The following MORC1 variants were observed in gnomAD, a reference collection of about 807,000 sequenced individuals.
MORC1 encodes the protein MORC family CW-type zinc finger 1, also known as MORC family CW-type zinc finger protein 1.
A neutral mutation model predicts 134.9 loss-of-function variants in MORC1; 59 were observed. The observed-to-expected ratio is 0.44, with a 90% confidence interval of 0.35 to 0.54. The LOEUF is 0.54. MORC1 is among the 20% of genes least tolerant of loss of function. The pLI is 0.00. For synonymous variants in MORC1, 395 were observed against 391.7 expected, an observed-to-expected ratio of 1.01 and a Z score of -0.10; for missense variants, 947 against 1,134.5, an observed-to-expected ratio of 0.83 and a Z score of 2.37.
Position 109,007,050 on chromosome 3 carries a change from G to A in MORC1, c.1746C>T (p.Thr582=), listed in dbSNP as rs114946828. The A allele has an allele frequency of 1.9e-6, 3 of 1,612,530 alleles. No individual in the cohort carries two copies. Among genetic ancestry groups the A allele is most frequent in the East Asian group, 4.5e-5 (2 of 44,802 alleles). The change falls in exon 18 of 28, where the codon ACC becomes ACT. Residue 582 remains threonine, a synonymous_variant. Coordinates refer to ENST00000232603, the MANE Select transcript of MORC1 (RefSeq NM_014429.4). Reference sequence around the variant, plus strand: ...TCACCTTATGTGCTGAAGTTAGGCAGGTGGAAGTGACAGTGATTTCGTCCA... The same window carrying A: ...TCACCTTATGTGCTGAAGTTAGGCAAGTGGAAGTGACAGTGATTTCGTCCA... ...IPVDEITVTS[T]CLTSAHKENT... is the part of the protein sequence containing the mutation.
chr3:109,013,963 G>A (rs1262601450), intron 17 of MORC1, among the ~76,000 whole-genome samples: 4 of 152,036 alleles, frequency 2.6e-5, no homozygotes, highest in South Asian at 4.1e-4. Flanking sequence ...CAAGATACTG[G>A]CACCTTGATA....
intron 3 of MORC1, among the ~76,000 whole-genome samples, chr3:109,105,071 G>C (rs1484920753): frequency 6.6e-6 from 1 of 152,042 alleles, no homozygotes; most frequent in Non-Finnish European, 1.5e-5. Flanking sequence ...CATTTATTAA[G>C]TCAACTTCTC....
rs1482281811 is a variant in MORC1, at chr3:108,986,947, A to G, written c.2190T>C (p.Val730=). ...ENTSDSDIIL[V]SDKSNTDVSL... ...AAACATCAGTGTTGCTTTTATCTGA[A>G]ACCTGAAAAACAAGCTCTTTATTTA... is the stretch of plus-strand genomic sequence containing the variant. Residue 730 remains valine (V), a splice_region_variant and synonymous_variant, in exon 22 of 28, where the codon GTT becomes GTC. Transcript: ENST00000232603. 9.0e-6 allele frequency: 14 copies of G among 1,562,020 alleles called. No individual in the cohort carries two copies. Among genetic ancestry groups the G allele is most frequent in the Non-Finnish European group, 1.1e-5 (13 of 1,159,466 alleles).
At chr3:109,018,907 ACTC>A (rs1948888501) in intron 17 of MORC1, 1 of 152,132 alleles carries the variant, frequency 6.6e-6, no homozygotes, top group East Asian at 1.9e-4. Flanking sequence ...TAAAACAGGA[ACTC>A]CTCGACTGTG....
chr3:109,106,212 C>A (rs4855692), intron 3 of MORC1, among the ~76,000 whole-genome samples: 2 of 152,156 alleles, frequency 1.3e-5, no homozygotes, highest in Non-Finnish European at 2.9e-5. Context: ...TGCAAAACCA[C>A]GTTCAGCCTC....
At chr3:109,035,775 C>T (rs1949365312) in intron 14 of MORC1, among the ~76,000 whole-genome samples, 1 of 152,062 alleles carries the variant, frequency 6.6e-6, no homozygotes, top group Non-Finnish European at 1.5e-5. Context: ...AACATATTGA[C>T]ATTTAAAGCA....
At chr3:108,984,049 T>A (rs1231964461) in intron 23 of MORC1, among the ~76,000 whole-genome samples, 1 of 152,026 alleles carries the variant, frequency 6.6e-6, no homozygotes, top group Non-Finnish European at 1.5e-5. Flanking sequence ...GAGGTTTGAG[T>A]GCTGGATTGA....
rs754885131 is a variant in MORC1, at chr3:108,984,975, A to C, written c.2258-193T>G. ...GGTAGTTTATAATGTTTTAAAATAA[A>C]GTTTATGTAGTATATATAGTTATCC... On this transcript the variant is annotated intron_variant, in intron 22 of 27. Transcript: ENST00000232603. 3.9e-5 allele frequency among the ~76,000 whole-genome samples: 6 copies of C among 152,318 alleles called. No homozygotes were observed. In the South Asian group the frequency reaches 8.3e-4, roughly 21 times the overall value.
chr3:108,989,588 G>A lies in MORC1; in HGVS notation c.2188-2639C>T, dbSNP rs151178075. On this transcript the variant is annotated intron_variant, in intron 21 of 27. Transcript: ENST00000232603. ...ACCTATTTAATTTCATTGCTGTTAA[G>A]GAAACTTAAAAACTGAGTGATATCA... Among the ~76,000 whole-genome samples the A allele has an allele frequency of 1.7e-3, 256 of 152,240 alleles. 1 individual carries two copies. Among genetic ancestry groups the A allele is most frequent in the African/African-American group, 5.8e-3 (239 of 41,538 alleles).
intron 14 of MORC1, among the ~76,000 whole-genome samples, chr3:109,043,599 A>G (rs1949613569): frequency 6.6e-6 from 1 of 152,178 alleles, no homozygotes; most frequent in African/African-American, 2.4e-5. Context: ...TGAAAAAAAA[A>G]GAAAAAAAAC....
intron 27 of MORC1, 109 bp downstream of exon 27, chr3:108,963,305 T>C (rs1324395690): frequency 2.3e-6 from 2 of 868,914 alleles, no homozygotes; most frequent in East Asian, 2.5e-5. Flanking sequence ...AGGGCTGACT[T>C]AAGTGACTTG....
chr3:108,996,286 G>GCACACACACACACACACACACACACACA (rs66629906), intron 21 of MORC1, among the ~76,000 whole-genome samples: 7 of 146,376 alleles, frequency 4.8e-5, no homozygotes, highest in Middle Eastern at 3.3e-3. Flanking sequence ...GCGCGCGCGC[G>GCACACACACACACACACACACACACACA]CACACACACA....
intron 8 of MORC1, among the ~76,000 whole-genome samples, chr3:109,090,202 T>G (rs892555104): frequency 6.6e-6 from 1 of 152,062 alleles, no homozygotes; most frequent in African/African-American, 2.4e-5. Context: ...GAACATCACT[T>G]CTACTGAAAT....
At position 108,979,617 on chromosome 3, in the gene MORC1, G is replaced by A; in HGVS notation, c.2375C>T (p.Ala792Val). The A allele has an allele frequency of 6.2e-7, 1 of 1,614,150 alleles. No homozygotes were observed. The highest frequency in any genetic ancestry group is 8.5e-7 in the Non-Finnish European group (1 of 1,180,008). The change falls in exon 24 of 28, where the codon GCC becomes GTC. Residue 792 changes from alanine (A) to valine (V), a missense_variant. This residue lies in a region of MORC1 where 722 missense variants were observed against 817.0 expected (regional missense o/e 0.88). Transcript: ENST00000232603. Reference protein sequence around the residue: ...EDVNLSSGHIARVSVSGSCKV... With the variant: ...EDVNLSSGHIVRVSVSGSCKV... ...ACAACTGCCACTCACAGAAACTCTG[G>A]CTATGTGTCCAGAACTTAGATTCAC... is the stretch of plus-strand genomic sequence containing the variant.
intron 27 of MORC1, among the ~76,000 whole-genome samples, chr3:108,959,425 G>C (rs1203215118): frequency 6.6e-6 from 1 of 151,964 alleles, no homozygotes; most frequent in East Asian, 1.9e-4. Context: ...ATCCTTCTTT[G>C]TTATAGACTG....
chr3:109,105,719 A>G (rs1576750391), intron 3 of MORC1, among the ~76,000 whole-genome samples: 2 of 152,294 alleles, frequency 1.3e-5, no homozygotes, highest in South Asian at 4.1e-4. Context: ...ATATTTTAAA[A>G]AGTAAGTAAG....
At chr3:109,055,428 A>C (rs559291170) in intron 13 of MORC1, among the ~76,000 whole-genome samples, 1 of 152,312 alleles carries the variant, frequency 6.6e-6, no homozygotes, top group African/African-American at 2.4e-5. Context: ...CCACTGTCTA[A>C]GCCTTTAGGG....
chr3:109,028,288 A>G (rs988211757), intron 16 of MORC1, among the ~76,000 whole-genome samples: 4 of 152,176 alleles, frequency 2.6e-5, no homozygotes, highest in African/African-American at 9.7e-5. Flanking sequence ...TATAGCAAAT[A>G]ATTATGCCTC....
intron 14 of MORC1, among the ~76,000 whole-genome samples, chr3:109,052,416 T>A (rs1328539506): frequency 6.6e-6 from 1 of 152,186 alleles, no homozygotes; most frequent in Non-Finnish European, 1.5e-5. Flanking sequence ...TCAGTGGGTC[T>A]CAGGTGGGGC....
Sources: gnomAD v4.1 joint callset for allele counts (sites outside exome capture counted in the v4.1 genomes callset) on GRCh38, gnomAD v4.1.1 for gene constraint, gnomAD v4.1.1 regional missense constraint, MANE v1.5 for transcripts, NCBI Gene and HGNC (gene_info 2026-07-23, HGNC 2026-07-21) for gene names.